The following COL24A1 variants were observed in gnomAD, a reference collection of about 807,000 sequenced individuals.
The protein encoded by COL24A1 is collagen type XXIV alpha 1 chain.
COL24A1 carries 224 observed loss-of-function variants against 253.9 expected under a neutral mutation model. That is an observed-to-expected ratio of 0.88 (90% CI 0.79 to 0.99). COL24A1 has a LOEUF of 0.99. COL24A1 is among the 50% of genes least tolerant of loss of function. The pLI is 0.00. For missense variants in COL24A1, 2,131 were observed against 2,068.5 expected, an observed-to-expected ratio of 1.03 and a Z score of -0.59; for synonymous variants, 685 against 673.7, an observed-to-expected ratio of 1.02 and a Z score of -0.26.
intron 57 of COL24A1, among the ~76,000 whole-genome samples, chr1:85,740,445 A>T (rs1158832928): frequency 6.6e-6 from 1 of 151,584 alleles, no homozygotes; most frequent in Non-Finnish European, 1.5e-5. Flanking sequence ...GTACACATAT[A>T]TTCTACCTTC....
At chr1:85,733,172 T>C in intron 59 of COL24A1, among the ~76,000 whole-genome samples, 1 of 152,196 alleles carries the variant, frequency 6.6e-6, no homozygotes, top group East Asian at 1.9e-4. Flanking sequence ...AATAAAATGT[T>C]ATGAAAAAGT....
intron 7 of COL24A1, among the ~76,000 whole-genome samples, chr1:86,072,478 G>A (rs1181291295): frequency 6.6e-6 from 1 of 152,170 alleles, no homozygotes; most frequent in Non-Finnish European, 1.5e-5. Context: ...TGAAAGAAAG[G>A]CAGCAGCCCC....
At chr1:85,881,419 C>A (rs994455333) in intron 32 of COL24A1, among the ~76,000 whole-genome samples, 2 of 151,772 alleles carry the variant, frequency 1.3e-5, no homozygotes, top group Non-Finnish European at 2.9e-5. Context: ...GAGTTTGAGA[C>A]CAGCCTGACC....
intron 2 of COL24A1, among the ~76,000 whole-genome samples, chr1:86,140,464 C>A (rs1210857699): frequency 6.6e-6 from 1 of 152,174 alleles, no homozygotes; most frequent in Non-Finnish European, 1.5e-5. Flanking sequence ...GAAGTTTTGG[C>A]TAAGTGCCCA....
chr1:86,095,434 G>C (rs1029242811), intron 5 of COL24A1, among the ~76,000 whole-genome samples: 4 of 151,992 alleles, frequency 2.6e-5, no homozygotes, highest in African/African-American at 7.2e-5. Context: ...TCAGTATGGA[G>C]GAAATGCTCT....
At chr1:86,119,755 T>G (rs1244812512) in intron 3 of COL24A1, among the ~76,000 whole-genome samples, 1 of 152,128 alleles carries the variant, frequency 6.6e-6, no homozygotes, top group Non-Finnish European at 1.5e-5. Context: ...TGCCTTTATT[T>G]TAAAAATGAA....
intron 20 of COL24A1, among the ~76,000 whole-genome samples, chr1:85,980,571 C>T (rs1693150986): frequency 6.6e-6 from 1 of 152,098 alleles, no homozygotes; most frequent in Admixed American, 6.6e-5. Flanking sequence ...GAACTCAACC[C>T]CTTTTACAAT....
intron 47 of COL24A1, among the ~76,000 whole-genome samples, chr1:85,815,030 T>C (rs11161678): frequency 0.33 from 50,516 of 152,056 alleles, 9,681 homozygotes; most frequent in Non-Finnish European, 0.44. Context: ...CAATTCACTA[T>C]TTAGCCTTAT....
intron 52 of COL24A1, among the ~76,000 whole-genome samples, chr1:85,778,076 C>CATCTATT (rs1558087410): frequency 2.2e-5 from 3 of 138,042 alleles, no homozygotes; most frequent in Non-Finnish European, 4.8e-5. Flanking sequence ...TATCATCTAT[C>CATCTATT]TCTAGATACA....
At chr1:85,994,333 C>G (rs1694566369) in intron 19 of COL24A1, among the ~76,000 whole-genome samples, 1 of 151,124 alleles carries the variant, frequency 6.6e-6, no homozygotes, top group Non-Finnish European at 1.5e-5. Flanking sequence ...CATTCAATGG[C>G]CTGAATTGAT....
At chr1:85,913,824 A>G (rs1050982382) in intron 24 of COL24A1, among the ~76,000 whole-genome samples, 5 of 152,234 alleles carry the variant, frequency 3.3e-5, no homozygotes, top group African/African-American at 4.8e-5. Flanking sequence ...CTTACTAGTG[A>G]CCCAAATTCT....
chr1:85,832,405 G>C (rs973647010), intron 43 of COL24A1, among the ~76,000 whole-genome samples: 8 of 151,968 alleles, frequency 5.3e-5, no homozygotes, highest in African/African-American at 1.9e-4. Context: ...ACTTGGCAAT[G>C]TGGGCTCTTT....
Position 86,059,200 on chromosome 1 carries a change from T to C in COL24A1, c.1753-26A>G, listed in dbSNP as rs201159452. ...CTGAAATAATAAATAAAATGAACAG[T>C]ATAGCAAAGCCAAAGGAAACAAATT... is the stretch of plus-strand genomic sequence containing the variant. On this transcript the variant is annotated intron_variant, in intron 8 of 59. Transcript: ENST00000370571. The C allele has an allele frequency of 2.6e-6, 4 of 1,554,266 alleles. No homozygotes were observed. The East Asian group carries it at 9.1e-5, about 35-fold the overall frequency.
At chr1:86,024,774 GT>G (rs1221199449) in intron 14 of COL24A1, among the ~76,000 whole-genome samples, 18 of 152,168 alleles carry the variant, frequency 1.2e-4, no homozygotes, top group South Asian at 4.1e-4. Flanking sequence ...AAATATCTCT[GT>G]TTGGAAATTA....
chr1:85,823,754 A>G lies in COL24A1; in HGVS notation c.3682-16T>C, dbSNP rs757433036. The G allele has an allele frequency of 3.5e-5, 57 of 1,610,764 alleles. 1 individual carries two copies. In the South Asian group the frequency reaches 6.3e-4, roughly 18 times the overall value. ...CCACATGGCCCTAGAAATAGAAAAG[A>G]TTACATTATTAGAGTAAGTAGAGAC... On this transcript the variant is annotated splice_polypyrimidine_tract_variant and intron_variant, in intron 43 of 59. Transcript: ENST00000370571.
chr1:85,907,161 G>C (rs1684918611), intron 28 of COL24A1, 33 bp downstream of exon 28: 2 of 1,563,644 alleles, frequency 1.3e-6, no homozygotes, highest in African/African-American at 2.7e-5. Flanking sequence ...AATTTTGGGG[G>C]GGTTAATGTA....
chr1:85,866,361 T>C (rs984367795), intron 37 of COL24A1, among the ~76,000 whole-genome samples: 4 of 152,232 alleles, frequency 2.6e-5, no homozygotes, highest in Non-Finnish European at 5.9e-5. Flanking sequence ...CTTAGCTTTT[T>C]CTAAGTTTTT....
chr1:86,017,606 C>T (rs1274441084), intron 18 of COL24A1, among the ~76,000 whole-genome samples: 4 of 152,166 alleles, frequency 2.6e-5, no homozygotes, highest in East Asian at 3.8e-4. Context: ...TCCTTTGATA[C>T]TGTAAGTGGC....
At position 85,730,414 on chromosome 1, in the gene COL24A1, T is replaced by C. The variant is rs1663358369; in HGVS notation, c.*132A>G. The C allele has an allele frequency of 1.1e-6, 1 of 933,996 alleles. No individual in the cohort carries two copies. Among genetic ancestry groups the C allele is most frequent in the Non-Finnish European group, 1.6e-6 (1 of 644,334 alleles). The allele number at this position is 933,996 out of a possible 1,614,324, so 57.9% of individuals were successfully genotyped here. A position where few individuals can be genotyped will look rare whatever the true frequency, so the allele number is the denominator to read the frequency against. ...TCCTTCTTAGGAGGAAGTCTGTTCT[T>C]CCTGAGATTCTTTAAGATTTAGCCA... On this transcript the variant is annotated 3_prime_UTR_variant, in exon 60 of 60. Transcript: ENST00000370571.
Sources: allele counts gnomAD v4.1 joint callset (sites outside exome capture counted in the v4.1 genomes callset), GRCh38; gene constraint gnomAD v4.1.1; transcripts MANE v1.5; gene names NCBI Gene and HGNC (gene_info 2026-07-23, HGNC 2026-07-21).